The following INTS12 variants were observed in gnomAD, a reference collection of about 807,000 sequenced individuals.
The protein encoded by INTS12 is PHD finger protein 22.
Under a neutral mutation model 41.6 loss-of-function variants are expected in INTS12, and 13 were observed. The ratio of observed to expected loss-of-function variants is 0.31; its 90% CI spans 0.20 to 0.50. INTS12 has a LOEUF of 0.50. INTS12 is among the 20% of genes least tolerant of loss of function. The pLI is 0.98. For missense variants in INTS12, 432 were observed against 541.6 expected (o/e 0.80, Z 2.01); for synonymous variants, 199 against 191.4 (o/e 1.04, Z -0.33).
At chr4:105,689,222 T>C (rs1412382583) in intron 6 of INTS12, among the ~76,000 whole-genome samples, 2 of 152,204 alleles carry the variant, frequency 1.3e-5, no homozygotes, top group East Asian at 3.8e-4. Context: ...ATCACAACAT[T>C]CTTAACTAGG....
At chr4:105,684,567 G>A (rs1578378408) in intron 7 of INTS12, among the ~76,000 whole-genome samples, 1 of 151,964 alleles carries the variant, frequency 6.6e-6, no homozygotes, top group Non-Finnish European at 1.5e-5. Flanking sequence ...TGAGATATTC[G>A]ATTTATAAGA....
chr4:105,699,795 T>C (rs1731994562), intron 3 of INTS12, 55 bp downstream of exon 3: 8 of 1,221,716 alleles, frequency 6.5e-6, no homozygotes, highest in Non-Finnish European at 7.7e-6. Flanking sequence ...ATGTTATCAA[T>C]GTAGTACTAC....
chr4:105,700,388 C>T (rs548782984), intron 2 of INTS12: 1 of 153,814 alleles, frequency 6.5e-6, no homozygotes, highest in South Asian at 2.1e-4. Context: ...ATCAAAATTT[C>T]TTCTCTCAAA....
rs773089195 is a variant in INTS12 at position 105,683,298 on chromosome 4, C to G, written c.824G>C (p.Gly275Ala). 5 of 1,611,258 alleles carry G rather than the reference C, an allele frequency of 3.1e-6. No individual in the cohort carries two copies. Among genetic ancestry groups the G allele is most frequent in the Non-Finnish European group, 4.2e-6 (5 of 1,178,700 alleles). ...GGAAACGCTGGCACTAGAAGAATTT[C>G]CTGAAATAACTGTGGATGTCTAAAA... ...TEVKTSTVIS[G>A]NSSSASVSSS... is the part of the protein sequence containing the mutation. Residue 275 changes from glycine (G) to alanine (A), a missense_variant, in exon 8 of 8, where the codon GGA becomes GCA. Gly to Ala is a moderately conservative substitution (Grantham distance 60). Transcript: ENST00000340139.
At chr4:105,708,579 T>C (rs1480110128) in intron 1 of INTS12, 59 bp downstream of exon 1, 1 of 985,292 alleles carries the variant, frequency 1.0e-6, no homozygotes, top group Non-Finnish European at 1.2e-6. Context: ...ACCTCGCTCC[T>C]GGCGCGGGGG....
chr4:105,707,173 C>T (rs1732307166), intron 1 of INTS12, among the ~76,000 whole-genome samples: 1 of 152,112 alleles, frequency 6.6e-6, no homozygotes, highest in Non-Finnish European at 1.5e-5. Context: ...TACATCCTAT[C>T]AAGACCCTAT....
chr4:105,706,280 C>T (rs1732259840), intron 1 of INTS12: 1 of 121,468 alleles, frequency 8.2e-6, no homozygotes, highest in African/African-American at 3.2e-5. Context: ...TTTTTTGAGA[C>T]ATGGTCTTGC....
At position 105,682,671 on chromosome 4, in the gene INTS12, A is replaced by T; in HGVS notation, c.*62T>A. 1 of 1,214,568 alleles carries T rather than the reference A, an allele frequency of 8.2e-7. No individual in the cohort carries two copies. The highest frequency in any genetic ancestry group is 1.3e-5 in the South Asian group (1 of 74,534). The allele number at this position is 1,214,568 out of a possible 1,614,324, so 75.2% of individuals were successfully genotyped here. The stretch of plus-strand genomic sequence containing the variant: ...ATTAAATTACAGTGTATTACAGATT[A>T]TATCATAATAATAAGCCTTTCATCT... On this transcript the variant is annotated 3_prime_UTR_variant, in exon 8 of 8. Coordinates refer to ENST00000340139, the MANE Select transcript of INTS12 (RefSeq NM_020395.4).
intron 1 of INTS12, chr4:105,708,256 T>TC: frequency 1.0e-6 from 1 of 985,392 alleles, no homozygotes; most frequent in South Asian, 4.7e-5. Context: ...AATCCTTTGA[T>TC]CAAAGCATCA....
chr4:105,706,652 C>T (rs559795745), intron 1 of INTS12, among the ~76,000 whole-genome samples: 14 of 152,270 alleles, frequency 9.2e-5, no homozygotes, highest in Admixed American at 5.9e-4. Flanking sequence ...ATTATCTTCC[C>T]GAAAAGTTCC....
At position 105,699,326 on chromosome 4, in the gene INTS12, T is replaced by A. The variant is rs930848951; in HGVS notation, c.156+524A>T. Among the ~76,000 whole-genome samples the A allele has an allele frequency of 2.0e-5, 3 of 152,180 alleles. No individual in the cohort carries two copies. In the South Asian group the frequency reaches 6.2e-4, roughly 32 times the overall value. On this transcript the variant is annotated intron_variant, in intron 3 of 7. Coordinates refer to ENST00000340139, the MANE Select transcript of INTS12 (RefSeq NM_020395.4). ...TAAGTGGGATTTAAAACAGGTGTGT[T>A]TGGTATCAAAACATATATTCTTTTC...
rs531065163 is a variant in INTS12 at position 105,701,031 on chromosome 4, C to T, written c.-9-1017G>A. 1.4e-4 allele frequency among the ~76,000 whole-genome samples: 21 copies of T among 152,228 alleles called. No individual in the cohort carries two copies. The South Asian group carries it at 4.4e-3, about 32-fold the overall frequency. On this transcript the variant is annotated intron_variant, in intron 2 of 7. Transcript: ENST00000340139. Reference sequence around the variant, plus strand: ...ATATTGTATTAATGCAGCACACTTGCATTGCTATAGTTAGGGAACTGTCAG... The same window carrying T: ...ATATTGTATTAATGCAGCACACTTGTATTGCTATAGTTAGGGAACTGTCAG...
At chr4:105,683,950 A>G (rs1233449419) in intron 7 of INTS12, among the ~76,000 whole-genome samples, 1 of 152,186 alleles carries the variant, frequency 6.6e-6, no homozygotes, top group Non-Finnish European at 1.5e-5. Flanking sequence ...AATTTTTATG[A>G]TGTGTTAAAA....
At chr4:105,691,533 T>C (rs1049962693) in intron 6 of INTS12, among the ~76,000 whole-genome samples, 1 of 152,202 alleles carries the variant, frequency 6.6e-6, no homozygotes, top group African/African-American at 2.4e-5. Context: ...GAAAGACAGA[T>C]ATGCACATAT....
At chr4:105,688,348 G>A (rs1046910964) in intron 6 of INTS12, among the ~76,000 whole-genome samples, 2 of 152,156 alleles carry the variant, frequency 1.3e-5, no homozygotes, top group Non-Finnish European at 2.9e-5. Context: ...CCAGAATTTG[G>A]CCTATTTTGC....
intron 2 of INTS12, chr4:105,703,126 T>G (rs1426233194): frequency 2.1e-6 from 1 of 468,332 alleles, no homozygotes; most frequent in East Asian, 1.5e-4. Flanking sequence ...CAAAACAGAC[T>G]GCAAAAGAGC....
chr4:105,694,379 G>C (rs1007446701), intron 4 of INTS12, among the ~76,000 whole-genome samples: 1 of 152,160 alleles, frequency 6.6e-6, no homozygotes, highest in African/African-American at 2.4e-5. Flanking sequence ...AGGCTGGAGT[G>C]CAGTGGCACA....
chr4:105,691,434 G>C (rs1731679258), intron 6 of INTS12, among the ~76,000 whole-genome samples: 1 of 152,164 alleles, frequency 6.6e-6, no homozygotes, highest in Non-Finnish European at 1.5e-5. Context: ...TTAGTCAACA[G>C]TAAAAAGAGA....
rs775335467 is a variant in INTS12 at position 105,683,092 on chromosome 4, T to G, written c.1030A>C (p.Ile344Leu). 6.2e-7 allele frequency: 1 copy of G among 1,614,120 alleles called. No homozygotes were observed. Among genetic ancestry groups the G allele is most frequent in the Admixed American group, 1.7e-5 (1 of 60,012 alleles). ...TGLATSSKGG[I>L]GSKIGSNNST... is the part of the protein sequence containing the mutation. ...TTATTGGAACCTATTTTGGAACCTA[T>G]TCCACCTTTGGATGATGTTGCCAGA... Residue 344 changes from isoleucine to leucine, a missense_variant, in exon 8 of 8, where the codon ATA (isoleucine) becomes CTA (leucine). Physicochemically the swap from Ile to Leu is conservative, Grantham distance 5. Around this residue, in one of 3 missense-constraint regions of INTS12, gnomAD observed 258 missense variants for 309.9 expected, o/e 0.83. Transcript: ENST00000340139.
Sources: gnomAD v4.1 joint callset for allele counts (sites outside exome capture counted in the v4.1 genomes callset) on GRCh38, gnomAD v4.1.1 for gene constraint, gnomAD v4.1.1 regional missense constraint, MANE v1.5 for transcripts, NCBI Gene and HGNC (gene_info 2026-07-23, HGNC 2026-07-21) for gene names.